AKAP6: variants seen among roughly 807,000 people sequenced by gnomAD.
The protein encoded by AKAP6 is A-kinase anchoring protein 6, also known as A-kinase anchor protein 6.
Under a neutral mutation model 188.5 loss-of-function variants are expected in AKAP6, and 58 were observed. The ratio of observed to expected loss-of-function variants is 0.31; its 90% CI spans 0.25 to 0.38. The LOEUF (loss-of-function observed/expected upper bound fraction) is 0.38. Among genes scored for constraint, AKAP6 ranks in the 10% least tolerant of loss-of-function variants. AKAP6 has a pLI of 1.00. For synonymous variants in AKAP6, 989 were observed against 998.6 expected (o/e 0.99, Z 0.18); for missense variants, 2,710 against 2,740.0 (o/e 0.99, Z 0.24).
chr14:32,636,533 T>C (rs910643365), intron 7 of AKAP6, among the ~76,000 whole-genome samples: 1 of 152,056 alleles, frequency 6.6e-6, no homozygotes, highest in Non-Finnish European at 1.5e-5. Context: ...CAGTTACTCA[T>C]AGCTGAGTGT....
intron 7 of AKAP6, among the ~76,000 whole-genome samples, chr14:32,604,267 C>T (rs1027778159): frequency 1.3e-5 from 2 of 151,966 alleles, no homozygotes; most frequent in South Asian, 2.1e-4. Flanking sequence ...TGTAGGTATC[C>T]GCAGATGCAG....
At chr14:32,724,909 G>A (rs528156016) in intron 9 of AKAP6, among the ~76,000 whole-genome samples, 24 of 130,986 alleles carry the variant, frequency 1.8e-4, no homozygotes, top group African/African-American at 6.8e-4. Flanking sequence ...CGTGGGGCTT[G>A]TTCAGCTAAA....
intron 1 of AKAP6, among the ~76,000 whole-genome samples, chr14:32,422,289 C>T (rs1212837299): frequency 1.3e-5 from 2 of 152,170 alleles, no homozygotes; most frequent in African/African-American, 4.8e-5. Context: ...TTCAGACCAA[C>T]TGGCTATAAA....
At chr14:32,818,764 G>A (rs2034450254) in intron 12 of AKAP6, among the ~76,000 whole-genome samples, 1 of 148,302 alleles carries the variant, frequency 6.7e-6, no homozygotes, top group African/African-American at 2.6e-5. Context: ...CTTGGGCTTA[G>A]CTCCCAGCCC....
At chr14:32,443,714 C>T (rs1890666265) in intron 2 of AKAP6, among the ~76,000 whole-genome samples, 1 of 152,142 alleles carries the variant, frequency 6.6e-6, no homozygotes, top group South Asian at 2.1e-4. Context: ...TGAACTTCTT[C>T]AGTTTTTCAA....
At chr14:32,397,077 G>A (rs1235868075) in intron 1 of AKAP6, among the ~76,000 whole-genome samples, 2 of 152,154 alleles carry the variant, frequency 1.3e-5, no homozygotes, top group Non-Finnish European at 2.9e-5. Flanking sequence ...CAAATTTCTG[G>A]GACTCAGTCC....
chr14:32,791,742 T>G (rs902058332), intron 12 of AKAP6, among the ~76,000 whole-genome samples: 12 of 152,234 alleles, frequency 7.9e-5, no homozygotes, highest in Non-Finnish European at 1.6e-4. Flanking sequence ...TCTAGGGTTT[T>G]TATGGTTTTT....
intron 7 of AKAP6, among the ~76,000 whole-genome samples, chr14:32,614,239 T>TG (rs1352671064): frequency 6.6e-6 from 1 of 152,334 alleles, no homozygotes; most frequent in Admixed American, 6.5e-5. Context: ...TTCAGACCTT[T>TG]GGCAAATAGC....
At position 32,639,235 on chromosome 14, in the gene AKAP6, C is replaced by T. The variant is rs557416151; in HGVS notation, c.2730+38443C>T. ...TCTGCGTTGTTTTTGCATGAATGTA[C>T]GTGAACTTATGGTTTGTGGCTAATC... On this transcript the variant is annotated intron_variant, in intron 7 of 13. Transcript: ENST00000280979. Among the ~76,000 whole-genome samples the T allele has an allele frequency of 5.3e-5, 8 of 152,150 alleles. No individual in the cohort carries two copies. The East Asian group carries it at 1.4e-3, about 26-fold the overall frequency.
intron 9 of AKAP6, among the ~76,000 whole-genome samples, chr14:32,708,651 GATTA>G (rs769883208): frequency 1.3e-5 from 2 of 151,730 alleles, no homozygotes; most frequent in Non-Finnish European, 2.9e-5. Flanking sequence ...TTTACTTAGT[GATTA>G]ATTGTGAACT....
intron 7 of AKAP6, among the ~76,000 whole-genome samples, chr14:32,620,832 C>T (rs1172795320): frequency 6.6e-6 from 1 of 151,158 alleles, no homozygotes; most frequent in Non-Finnish European, 1.5e-5. Context: ...ATTATTGATT[C>T]ATTCTCACTG....
At position 32,600,810 on chromosome 14, in the gene AKAP6, T is replaced by C; in HGVS notation, c.2730+18T>C. 6.3e-7 allele frequency: 1 copy of C among 1,584,672 alleles called. No individual in the cohort carries two copies. On this transcript the variant is annotated intron_variant, in intron 7 of 13. Coordinates refer to ENST00000280979, the MANE Select transcript of AKAP6 (RefSeq NM_004274.5). ...GCCCCAAGGTAAGTGGCTTGAAGTT[T>C]GCCTTATTTCCTCTTATTTCTGTCT...
In AKAP6 at chr14:32,713,699, A is replaced by G. The variant is rs562116562; in HGVS notation, c.3000+17589A>G. ...CTTCTGCAGCTTCCTCACCTCTCTT[A>G]GCCTTCATAGAATTAAAATGAGTTA... is the stretch of plus-strand genomic sequence containing the variant. On this transcript the variant is annotated intron_variant, in intron 9 of 13. Transcript: ENST00000280979. Among the ~76,000 whole-genome samples the G allele has an allele frequency of 1.6e-4, 24 of 152,108 alleles. No individual in the cohort carries two copies. In the South Asian group the frequency reaches 5.0e-3, roughly 32 times the overall value.
intron 7 of AKAP6, among the ~76,000 whole-genome samples, chr14:32,636,689 G>A (rs1200482635): frequency 6.6e-6 from 1 of 152,086 alleles, no homozygotes; most frequent in Admixed American, 6.6e-5. Flanking sequence ...TTAGTCAGGT[G>A]AAAATGCCTT....
At chr14:32,661,881 T>C (rs552164260) in intron 7 of AKAP6, among the ~76,000 whole-genome samples, 18 of 152,150 alleles carry the variant, frequency 1.2e-4, no homozygotes, top group Non-Finnish European at 2.4e-4. Context: ...GTTGGGATTA[T>C]CAAATGAGAT....
intron 9 of AKAP6, among the ~76,000 whole-genome samples, chr14:32,707,786 TA>T (rs1236031121): frequency 2.6e-5 from 4 of 152,172 alleles, no homozygotes; most frequent in African/African-American, 9.6e-5. Flanking sequence ...TAATTGAATG[TA>T]AAACTTTATG....
rs112813802 is a variant in AKAP6, at chr14:32,749,654, A to G, written c.3372+13772A>G. ...AAATTAACAGAGACTTGTTTGATTG[A>G]GTCGTTTTTAAAGTGAAAAGAAATA... On this transcript the variant is annotated intron_variant, in intron 11 of 13. Coordinates refer to ENST00000280979, the MANE Select transcript of AKAP6 (RefSeq NM_004274.5). Among the ~76,000 whole-genome samples the G allele has an allele frequency of 8.0e-3, 1,212 of 152,338 alleles. 17 individuals carry two copies. Among genetic ancestry groups the G allele is most frequent in the African/African-American group, 0.028 (1,145 of 41,578 alleles).
intron 7 of AKAP6, among the ~76,000 whole-genome samples, chr14:32,653,898 T>C (rs558504255): frequency 2.2e-3 from 331 of 152,256 alleles, no homozygotes; most frequent in Non-Finnish European, 3.9e-3. Flanking sequence ...TTCACATTCA[T>C]GTAAGTTGAA....
chr14:32,633,540 T>A (rs1887362519), intron 7 of AKAP6, among the ~76,000 whole-genome samples: 1 of 152,030 alleles, frequency 6.6e-6, no homozygotes, highest in Non-Finnish European at 1.5e-5. Flanking sequence ...GGTATGAGCT[T>A]TGGACAATGG....
Sources: gnomAD v4.1 joint callset for allele counts (sites outside exome capture counted in the v4.1 genomes callset) on GRCh38, gnomAD v4.1.1 for gene constraint, MANE v1.5 for transcripts, NCBI Gene and HGNC (gene_info 2026-07-23, HGNC 2026-07-21) for gene names.